Variants in RYR2 observed in about 807,000 individuals in gnomAD.
RYR2 encodes the protein ryanodine receptor 2, also known as cardiac muscle ryanodine receptor-calcium release channel.
A neutral mutation model predicts 601.1 loss-of-function variants in RYR2; 227 were observed. The ratio of observed to expected loss-of-function variants is 0.38; its 90% CI spans 0.34 to 0.42. RYR2 has a LOEUF of 0.42. RYR2 is among the 10% of genes least tolerant of loss of function. The probability of loss-of-function intolerance (pLI) is 1.00; values close to 1 mark genes in which losing one functional copy is unlikely to be tolerated. For missense variants in RYR2, 4,646 were observed against 6,156.5 expected, an observed-to-expected ratio of 0.75 and a Z score of 8.21; for synonymous variants, 2,223 against 2,175.1, an observed-to-expected ratio of 1.02 and a Z score of -0.61.
At chr1:237,100,299 T>A (rs1237298667) in intron 1 of RYR2, among the ~76,000 whole-genome samples, 1 of 152,058 alleles carries the variant, frequency 6.6e-6, no homozygotes, top group East Asian at 1.9e-4. Context: ...CTTCAAGGAG[T>A]TCCTGATCTG....
At chr1:237,794,939 A>G (rs981559065) in intron 95 of RYR2, among the ~76,000 whole-genome samples, 1 of 152,194 alleles carries the variant, frequency 6.6e-6, no homozygotes, top group Admixed American at 6.5e-5. Context: ...AAAAACAATG[A>G]CAGGTTTCTA....
At chr1:237,249,161 G>A (rs570622282) in intron 1 of RYR2, among the ~76,000 whole-genome samples, 38 of 152,214 alleles carry the variant, frequency 2.5e-4, no homozygotes, top group African/African-American at 9.1e-4. Context: ...TCCATTACTA[G>A]ATGAAATTTT....
At chr1:237,705,022 C>CT (rs1283116728) in intron 66 of RYR2, among the ~76,000 whole-genome samples, 191 bp from the exon 67 acceptor site, 1 of 151,954 alleles carries the variant, frequency 6.6e-6, no homozygotes, top group Non-Finnish European at 1.5e-5. Flanking sequence ...GATAATTTAG[C>CT]TTTTTTTCAA....
At chr1:237,320,237 G>A (rs1018481982) in intron 2 of RYR2, among the ~76,000 whole-genome samples, 3 of 152,090 alleles carry the variant, frequency 2.0e-5, no homozygotes, top group Admixed American at 6.6e-5. Flanking sequence ...GGGGGGAGGT[G>A]CATATAATTT....
At chr1:237,519,252 T>G (rs1666858383) in intron 24 of RYR2, among the ~76,000 whole-genome samples, 1 of 152,236 alleles carries the variant, frequency 6.6e-6, no homozygotes, top group South Asian at 2.1e-4. Flanking sequence ...TGTTGATTCT[T>G]TCTCTCACTG....
At chr1:237,387,962 C>T in intron 9 of RYR2, 125 bp from the exon 10 acceptor site, 1 of 842,644 alleles carries the variant, frequency 1.2e-6, no homozygotes, top group Admixed American at 2.2e-5. Context: ...TGACCTTGGC[C>T]AGGTCCTTAA....
chr1:237,508,089 A>G (rs1665455372), intron 23 of RYR2, among the ~76,000 whole-genome samples: 1 of 151,994 alleles, frequency 6.6e-6, no homozygotes, highest in Admixed American at 6.6e-5. Flanking sequence ...TCAGCCTCCC[A>G]AGTAGCTGGT....
At chr1:237,530,976 T>A (rs1668086076) in intron 25 of RYR2, among the ~76,000 whole-genome samples, 1 of 152,078 alleles carries the variant, frequency 6.6e-6, no homozygotes, top group Non-Finnish European at 1.5e-5. Flanking sequence ...ACATTAAGTA[T>A]CTGGTGAAAC....
chr1:237,081,599 T>A lies in RYR2; in HGVS notation c.48+39030T>A, dbSNP rs564589716. ...ATTTATGTTCCAGATATGTGTTACA[T>A]ATATGGCACACACACACATACGCAC... is the stretch of plus-strand genomic sequence containing the variant. On this transcript the variant is annotated intron_variant, in intron 1 of 104. Transcript: ENST00000366574. Among the ~76,000 whole-genome samples, 2 of 152,122 alleles carry A rather than the reference T, an allele frequency of 1.3e-5. 1 individual carries two copies. Among genetic ancestry groups the A allele is most frequent in the Admixed American group, 1.3e-4 (2 of 15,268 alleles).
intron 1 of RYR2, among the ~76,000 whole-genome samples, chr1:237,204,483 T>C (rs903584279): frequency 2.8e-5 from 4 of 142,856 alleles, no homozygotes; most frequent in African/African-American, 1.1e-4. Flanking sequence ...ATGTTCTTGT[T>C]ACCAAAACAA....
intron 24 of RYR2, among the ~76,000 whole-genome samples, chr1:237,522,349 GA>G (rs1667174279): frequency 6.6e-6 from 1 of 152,218 alleles, no homozygotes; most frequent in Non-Finnish European, 1.5e-5. Context: ...GAAAGTTTAT[GA>G]ATTTGTGTTG....
In RYR2 at chr1:237,709,174, G is replaced by A. The variant is rs1296681211; in HGVS notation, c.10142+76G>A. On this transcript the variant is annotated intron_variant, in intron 69 of 104. Transcript: ENST00000366574. ...TTGGCTCACATGTCCTTGTTCAATC[G>A]CTTCATTCACTATTTTGCCATGAGC... The A allele has an allele frequency of 5.4e-6, 7 of 1,296,560 alleles. No homozygotes were observed. The African/African-American group carries it at 5.9e-5, about 11-fold the overall frequency. 80.3% of individuals were successfully genotyped at this position (1,296,560 alleles called of 1,614,324 possible).
chr1:237,148,040 T>C (rs1212883420), intron 1 of RYR2, among the ~76,000 whole-genome samples: 1 of 152,204 alleles, frequency 6.6e-6, no homozygotes, highest in Non-Finnish European at 1.5e-5. Flanking sequence ...TTTTGCATAA[T>C]ATGACAGTTT....
intron 82 of RYR2, among the ~76,000 whole-genome samples, chr1:237,758,478 A>G (rs1307349892): frequency 6.6e-6 from 1 of 152,104 alleles, no homozygotes; most frequent in Non-Finnish European, 1.5e-5. Flanking sequence ...TTTTGTGTCT[A>G]TGTGCGTATA....
At chr1:237,190,782 T>C (rs1227875908) in intron 1 of RYR2, among the ~76,000 whole-genome samples, 1 of 152,222 alleles carries the variant, frequency 6.6e-6, no homozygotes, top group Non-Finnish European at 1.5e-5. Flanking sequence ...GATTCTAGTA[T>C]CCATTGGTTC....
At chr1:237,542,087 T>C (rs1397812765) in intron 25 of RYR2, among the ~76,000 whole-genome samples, 3 of 149,532 alleles carry the variant, frequency 2.0e-5, no homozygotes, top group Admixed American at 2.0e-4. Flanking sequence ...TATTTATTTA[T>C]TTATTTATTT....
chr1:237,650,576 C>G (rs920817367), intron 50 of RYR2, among the ~76,000 whole-genome samples: 11 of 152,166 alleles, frequency 7.2e-5, no homozygotes, highest in African/African-American at 2.7e-4. Flanking sequence ...CCTGGAAAAC[C>G]ATTTCCTATA....
chr1:237,305,446 T>C (rs191624393), intron 2 of RYR2, among the ~76,000 whole-genome samples: 5 of 152,344 alleles, frequency 3.3e-5, no homozygotes, highest in African/African-American at 1.2e-4. Context: ...AATTTTTTAT[T>C]TTTGAGACAG....
At chr1:237,574,714 T>C (rs554855308) in intron 29 of RYR2, among the ~76,000 whole-genome samples, 1 of 152,080 alleles carries the variant, frequency 6.6e-6, no homozygotes, top group African/African-American at 2.4e-5. Flanking sequence ...CAGCCCCAAG[T>C]TCATAGCTGG....
Sources: allele counts gnomAD v4.1 joint callset (sites outside exome capture counted in the v4.1 genomes callset), GRCh38; gene constraint gnomAD v4.1.1; transcripts MANE v1.5; gene names NCBI Gene and HGNC (gene_info 2026-07-23, HGNC 2026-07-21).